Variants in MSTO1 observed in about 807,000 individuals in gnomAD.
The protein encoded by MSTO1 is misato mitochondrial distribution and morphology regulator 1.
In MSTO1, 24 loss-of-function variants were observed where a neutral mutation model predicts 55.7. The ratio of observed to expected loss-of-function variants is 0.43; its 90% CI spans 0.31 to 0.61. The LOEUF (loss-of-function observed/expected upper bound fraction) is 0.61. Ranked by LOEUF, MSTO1 falls within the 20% of genes least tolerant of loss-of-function variation. The pLI, the probability that MSTO1 is intolerant of heterozygous loss-of-function variation, is 0.09. For synonymous variants in MSTO1, 162 were observed against 252.8 expected, an observed-to-expected ratio of 0.64 and a Z score of 3.41; for missense variants, 363 against 625.7, an observed-to-expected ratio of 0.58 and a Z score of 4.48.
chr1:155,591,253 C>T, the MSTO1 span: 83 of 1,604,206 alleles, frequency 5.2e-5, no homozygotes, highest in Non-Finnish European at 3.4e-6. Context: ...TGCATTCTGG[C>T]AGAGGCCATG....
upstream of MSTO1, chr1:155,610,147 A>G: frequency 9.1e-7 from 1 of 1,100,448 alleles, no homozygotes; most frequent in Non-Finnish European, 1.3e-6. Context: ...GCGGGCCAAT[A>G]AGTAGCCGAG....
chr1:155,577,451 G>A, the MSTO1 span, among the ~76,000 whole-genome samples: 1 of 152,142 alleles, frequency 6.6e-6, no homozygotes, highest in African/African-American at 2.4e-5. Context: ...TTGCATTCAT[G>A]TTTGTGTATA....
At chr1:155,591,912 G>C in the MSTO1 span, among the ~76,000 whole-genome samples, 1 of 152,230 alleles carries the variant, frequency 6.6e-6, no homozygotes, top group South Asian at 2.1e-4. Flanking sequence ...GAGACTGTCC[G>C]GGGCAATATA....
chr1:155,592,190 G>T, the MSTO1 span, among the ~76,000 whole-genome samples: 83 of 152,276 alleles, frequency 5.5e-4, no homozygotes, highest in Non-Finnish European at 1.0e-3. Context: ...CATGTGTTTT[G>T]CTTTGTTTTT....
chr1:155,609,934 G>A (rs1451541649), upstream of MSTO1: 4 of 417,390 alleles, frequency 9.6e-6, no homozygotes, highest in East Asian at 1.9e-4. Flanking sequence ...AGGAAGCAGA[G>A]CCTTCCACGG....
At chr1:155,602,267 T>G in the MSTO1 span, 2 of 339,826 alleles carry the variant, frequency 5.9e-6, no homozygotes, top group Non-Finnish European at 1.2e-5. Context: ...TCACTTGAGG[T>G]CGGAAGTTCG....
the MSTO1 span, among the ~76,000 whole-genome samples, chr1:155,589,415 G>C: frequency 6.6e-6 from 1 of 151,918 alleles, no homozygotes; most frequent in Admixed American, 6.6e-5. Flanking sequence ...CAGGGTGACT[G>C]TATTAGTCAG....
At chr1:155,576,470 G>T in the MSTO1 span, among the ~76,000 whole-genome samples, 3 of 151,670 alleles carry the variant, frequency 2.0e-5, no homozygotes, top group Non-Finnish European at 4.4e-5. Flanking sequence ...GGGACTACAG[G>T]TGCGCACCAC....
chr1:155,602,186 G>T, the MSTO1 span: 1 of 696,734 alleles, frequency 1.4e-6, no homozygotes, highest in South Asian at 1.4e-5. Context: ...AACTACAAAT[G>T]AGCACTTCCT....
chr1:155,612,644 G>T, intron 9 of MSTO1, 74 bp downstream of exon 9: 1 of 1,526,584 alleles, frequency 6.6e-7, no homozygotes, highest in South Asian at 1.2e-5. Context: ...GCCGCTGTCT[G>T]TTACTGGCTC....
At chr1:155,566,911 G>A in the MSTO1 span, among the ~76,000 whole-genome samples, 3 of 151,730 alleles carry the variant, frequency 2.0e-5, no homozygotes, top group African/African-American at 7.3e-5. Context: ...CACCACACCC[G>A]GCCAGGTTAA....
At chr1:155,591,334 A>G in the MSTO1 span, 1 of 1,150,702 alleles carries the variant, frequency 8.7e-7, no homozygotes, top group Non-Finnish European at 1.2e-6. Flanking sequence ...CTTAATATTA[A>G]CCATCACGGT....
the MSTO1 span, among the ~76,000 whole-genome samples, chr1:155,597,499 G>A: frequency 9.9e-5 from 15 of 151,458 alleles, no homozygotes; most frequent in African/African-American, 3.6e-4. Context: ...TGTAGGATTT[G>A]ACAGGTAATT....
At chr1:155,580,927 A>T in the MSTO1 span, among the ~76,000 whole-genome samples, 1 of 138,280 alleles carries the variant, frequency 7.2e-6, no homozygotes, top group Non-Finnish European at 1.6e-5. Context: ...AAAAAAAAAA[A>T]AGGGAGAGAG....
At chr1:155,577,321 C>G in the MSTO1 span, among the ~76,000 whole-genome samples, 1 of 152,016 alleles carries the variant, frequency 6.6e-6, no homozygotes, top group South Asian at 2.1e-4. Flanking sequence ...ATCTCCTGAC[C>G]TCGTGATCCA....
At chr1:155,599,649 CA>C in the MSTO1 span, among the ~76,000 whole-genome samples, 2 of 152,046 alleles carry the variant, frequency 1.3e-5, no homozygotes, top group African/African-American at 2.4e-5. Flanking sequence ...ATAAGGGGAC[CA>C]GGGGAACCAG....
At chr1:155,613,323 G>T in intron 11 of MSTO1, 90 bp downstream of exon 11, 1 of 1,575,258 alleles carries the variant, frequency 6.3e-7, no homozygotes, top group African/African-American at 1.4e-5. Context: ...TAATGATACT[G>T]TTCCCTCCCC....
At chr1:155,579,997 A>T in the MSTO1 span, among the ~76,000 whole-genome samples, 3 of 150,554 alleles carry the variant, frequency 2.0e-5, no homozygotes, top group Admixed American at 2.0e-4. Flanking sequence ...AATTTCTTGA[A>T]CCCGGGAGGC....
chr1:155,573,421 T>C, the MSTO1 span, among the ~76,000 whole-genome samples: 1 of 151,744 alleles, frequency 6.6e-6, no homozygotes, highest in African/African-American at 2.4e-5. Flanking sequence ...AAAAATTAGC[T>C]GGGAATGGTG....
Sources: allele counts gnomAD v4.1 joint callset (sites outside exome capture counted in the v4.1 genomes callset), GRCh38; gene constraint gnomAD v4.1.1; transcripts MANE v1.5; gene names NCBI Gene and HGNC (gene_info 2026-07-23, HGNC 2026-07-21).